The following HMGCLL1 variants were observed in gnomAD, a reference collection of about 807,000 sequenced individuals.
HMGCLL1 encodes the protein 3-hydroxy-3-methylglutaryl-CoA lyase like 1.
In HMGCLL1, 36 loss-of-function variants were observed where a neutral mutation model predicts 39.1. The observed-to-expected ratio is 0.92, with a 90% CI of 0.71 to 1.22. The LOEUF (loss-of-function observed/expected upper bound fraction) is 1.22, where lower values mean the gene tolerates loss of function less well. Ranked by LOEUF, HMGCLL1 falls within the 50% of genes most tolerant of loss-of-function variation. HMGCLL1 has a pLI of 0.00. For synonymous variants in HMGCLL1, 149 were observed against 144.0 expected (o/e 1.03, Z -0.25); for missense variants, 451 against 416.5 (o/e 1.08, Z -0.72).
Position 55,541,780 on chromosome 6 carries a change from G to C in HMGCLL1, c.246C>G (p.Gly82=). ...IEFINRLSQT[G]LSVIEVTSFV... ...AGCTAGTCACTTCTATTACAGACAA[G>C]CCAGTTTGGGAAAGTCGATTGATAA... Residue 82 remains glycine (G), a synonymous_variant, in exon 3 of 9, where the codon GGC becomes GGG. Transcript: ENST00000274901. 6.2e-7 allele frequency: 1 copy of C among 1,610,082 alleles called. No individual in the cohort carries two copies. Among genetic ancestry groups the C allele is most frequent in the Non-Finnish European group, 8.5e-7 (1 of 1,177,782 alleles).
chr6:55,452,387 T>G (rs1373925239), intron 7 of HMGCLL1, among the ~76,000 whole-genome samples: 1 of 152,212 alleles, frequency 6.6e-6, no homozygotes, highest in South Asian at 2.1e-4. Flanking sequence ...TGTGGACCAG[T>G]AACTTTTTCC....
At chr6:55,665,838 A>G in the HMGCLL1 span, among the ~76,000 whole-genome samples, 1 of 151,762 alleles carries the variant, frequency 6.6e-6, no homozygotes, top group African/African-American at 2.4e-5. Flanking sequence ...TAGATGAAAC[A>G]TTTCATTGAA....
At chr6:55,665,216 T>A in the HMGCLL1 span, among the ~76,000 whole-genome samples, 2 of 151,828 alleles carry the variant, frequency 1.3e-5, no homozygotes, top group South Asian at 4.1e-4. Flanking sequence ...TTTGAAATTA[T>A]CTTCAGGGGC....
At chr6:55,591,521 T>C in the HMGCLL1 span, among the ~76,000 whole-genome samples, 175 of 152,024 alleles carry the variant, frequency 1.2e-3, 7 homozygotes, top group South Asian at 0.034. Flanking sequence ...CATCTATGTA[T>C]TGGATAGGAA....
At chr6:55,512,034 A>G (rs896418694) in intron 5 of HMGCLL1, 5 of 152,066 alleles carry the variant, frequency 3.3e-5, no homozygotes, top group African/African-American at 9.7e-5. Flanking sequence ...AGAAGTTTTC[A>G]TTTTTCTGAT....
the HMGCLL1 span, among the ~76,000 whole-genome samples, chr6:55,616,852 G>C: frequency 6.6e-6 from 1 of 151,766 alleles, no homozygotes; most frequent in East Asian, 1.9e-4. Context: ...GAGAGATTTT[G>C]CTATATAACA....
intron 3 of HMGCLL1, among the ~76,000 whole-genome samples, chr6:55,534,569 C>T (rs925005307): frequency 2.0e-5 from 3 of 152,166 alleles, no homozygotes; most frequent in Middle Eastern, 3.2e-3. Context: ...CAGGAGACCA[C>T]GTGGAGAGTC....
At chr6:55,641,249 A>G in the HMGCLL1 span, among the ~76,000 whole-genome samples, 2 of 151,792 alleles carry the variant, frequency 1.3e-5, no homozygotes, top group African/African-American at 4.8e-5. Flanking sequence ...AAAAGAATGA[A>G]TAATTTTTAA....
At chr6:55,676,270 G>T in the HMGCLL1 span, among the ~76,000 whole-genome samples, 1 of 151,866 alleles carries the variant, frequency 6.6e-6, no homozygotes, top group Non-Finnish European at 1.5e-5. Context: ...AAAAAACAAG[G>T]GGCTGTATGT....
the HMGCLL1 span, among the ~76,000 whole-genome samples, chr6:55,635,628 G>T: frequency 6.6e-6 from 1 of 152,026 alleles, no homozygotes. Flanking sequence ...TTTTGCTTTC[G>T]CTTAAGTTTG....
At chr6:55,654,139 G>A in the HMGCLL1 span, among the ~76,000 whole-genome samples, 1 of 151,814 alleles carries the variant, frequency 6.6e-6, no homozygotes, top group African/African-American at 2.4e-5. Context: ...CTACCTTTCA[G>A]CGAAAGCCTA....
At chr6:55,557,269 G>T (rs1227700830) in intron 1 of HMGCLL1, among the ~76,000 whole-genome samples, 1 of 152,120 alleles carries the variant, frequency 6.6e-6, no homozygotes, top group Non-Finnish European at 1.5e-5. Flanking sequence ...CTGCTTAAGG[G>T]GATGAGCCTT....
chr6:55,508,304 C>G (rs192730033), intron 5 of HMGCLL1, among the ~76,000 whole-genome samples: 1 of 151,926 alleles, frequency 6.6e-6, no homozygotes, highest in Admixed American at 6.6e-5. Context: ...CAAGGTAAAG[C>G]TCTGAGATTG....
At chr6:55,656,128 A>G in the HMGCLL1 span, among the ~76,000 whole-genome samples, 2 of 152,020 alleles carry the variant, frequency 1.3e-5, no homozygotes, top group Non-Finnish European at 2.9e-5. Context: ...TCTCATTGGA[A>G]TCTCAACTTT....
chr6:55,476,840 T>A (rs1765311393), intron 7 of HMGCLL1, among the ~76,000 whole-genome samples: 1 of 150,696 alleles, frequency 6.6e-6, no homozygotes, highest in South Asian at 2.1e-4. Flanking sequence ...GGATTTGTGA[T>A]CAAGGTTATA....
At chr6:55,621,050 G>A in the HMGCLL1 span, among the ~76,000 whole-genome samples, 1 of 152,026 alleles carries the variant, frequency 6.6e-6, no homozygotes, top group African/African-American at 2.4e-5. Context: ...TTGAACTCAG[G>A]TAATGTGATT....
chr6:55,460,849 A>T (rs1764529522), intron 7 of HMGCLL1, among the ~76,000 whole-genome samples: 2 of 151,952 alleles, frequency 1.3e-5, no homozygotes, highest in Non-Finnish European at 2.9e-5. Context: ...CAATTTTTGA[A>T]ATTTAGTATG....
Position 55,569,324 on chromosome 6 carries a change from AG to A in HMGCLL1, c.108+9623del, listed in dbSNP as rs775138217. ...ACAGCAGATACAGGGGTAGAGGAGTAGCAGCACCATCCAACACAGTGTTTAC... is the reference window on the plus strand; with the variant it reads ...ACAGCAGATACAGGGGTAGAGGAGTACAGCACCATCCAACACAGTGTTTAC... On this transcript the variant is annotated intron_variant, in intron 1 of 8. Transcript: ENST00000274901. 6.5e-4 allele frequency among the ~76,000 whole-genome samples: 99 copies of A among 152,308 alleles called. No individual in the cohort carries two copies. In the Middle Eastern group the frequency reaches 0.01, roughly 16 times the overall value.
In HMGCLL1 at chr6:55,570,466, TTC is replaced by T. The variant is rs1252912712; in HGVS notation, c.108+8480_108+8481del. On this transcript the variant is annotated intron_variant, in intron 1 of 8. Transcript: ENST00000274901. ...TCCATTACTTCTTGAAGACTCCCAC[TTC>T]TTTTTACTAATTTAAAAGTCCCTGC... 2.6e-5 allele frequency among the ~76,000 whole-genome samples: 4 copies of T among 152,306 alleles called. No homozygotes were observed. The East Asian group carries it at 7.7e-4, about 29-fold the overall frequency.
Sources: gnomAD v4.1 joint callset for allele counts (sites outside exome capture counted in the v4.1 genomes callset) on GRCh38, gnomAD v4.1.1 for gene constraint, MANE v1.5 for transcripts, NCBI Gene and HGNC (gene_info 2026-07-23, HGNC 2026-07-21) for gene names.